MARCHF5: variants seen among roughly 807,000 people sequenced by gnomAD.
The protein encoded by MARCHF5 is E3 ubiquitin-protein ligase MARCHF5.
MARCHF5 carries 5 observed loss-of-function variants against 36.5 expected under a neutral mutation model. The ratio of observed to expected loss-of-function variants is 0.14; its 90% CI spans 0.07 to 0.29. The LOEUF (loss-of-function observed/expected upper bound fraction) is 0.29, where lower values mean the gene tolerates loss of function less well. Ranked by LOEUF, MARCHF5 falls within the 10% of genes least tolerant of loss-of-function variation. The pLI is 1.00. For synonymous variants in MARCHF5, 103 were observed against 109.9 expected (o/e 0.94, Z 0.39); for missense variants, 179 against 336.3 (o/e 0.53, Z 3.66).
At chr10:92,311,040 C>T (rs1843139075) in intron 1 of MARCHF5, 95 bp from the exon 2 acceptor site, 2 of 824,450 alleles carry the variant, frequency 2.4e-6, no homozygotes, top group Non-Finnish European at 3.9e-6. Flanking sequence ...TGTAATATAA[C>T]ATAGCAGGCT....
chr10:92,293,413 T>G (rs571026941), intron 1 of MARCHF5, among the ~76,000 whole-genome samples: 2 of 152,062 alleles, frequency 1.3e-5, no homozygotes, highest in Non-Finnish European at 2.9e-5. Flanking sequence ...CTAGAAAAGT[T>G]CTTATGTCCA....
chr10:92,336,274 T>C (rs1338382182), intron 2 of MARCHF5, among the ~76,000 whole-genome samples: 4 of 152,158 alleles, frequency 2.6e-5, no homozygotes, highest in Admixed American at 2.6e-4. Flanking sequence ...TGACCTCAGG[T>C]GATCCGCCCA....
At chr10:92,349,585 C>A in intron 4 of MARCHF5, 53 bp downstream of exon 4, 1 of 1,595,126 alleles carries the variant, frequency 6.3e-7, no homozygotes, top group Non-Finnish European at 8.6e-7. Context: ...TCTTGAAGAA[C>A]AATAACATGC....
intron 2 of MARCHF5, among the ~76,000 whole-genome samples, chr10:92,313,672 C>T (rs1430138552): frequency 2.6e-5 from 4 of 151,534 alleles, no homozygotes; most frequent in Admixed American, 6.6e-5. Flanking sequence ...GAAGCTGGGG[C>T]GAGTAGATTG....
At chr10:92,304,763 A>G (rs1843053107) in intron 1 of MARCHF5, among the ~76,000 whole-genome samples, 1 of 152,144 alleles carries the variant, frequency 6.6e-6, no homozygotes, top group Non-Finnish European at 1.5e-5. Context: ...AATAAACGTG[A>G]TGGTTTTTCT....
chr10:92,328,918 A>G (rs1385224264), intron 2 of MARCHF5, among the ~76,000 whole-genome samples: 1 of 149,792 alleles, frequency 6.7e-6, no homozygotes, highest in Non-Finnish European at 1.5e-5. Flanking sequence ...TCTTTTTATG[A>G]TAAGACCGAT....
intron 2 of MARCHF5, among the ~76,000 whole-genome samples, chr10:92,317,932 G>A (rs1033723477): frequency 4.0e-5 from 6 of 151,888 alleles, no homozygotes; most frequent in African/African-American, 1.5e-4. Flanking sequence ...TGTAGTTTTA[G>A]TAGAGACAGT....
chr10:92,301,244 A>G (rs574978128), intron 1 of MARCHF5, among the ~76,000 whole-genome samples: 108 of 152,292 alleles, frequency 7.1e-4, no homozygotes, highest in African/African-American at 2.5e-3. Flanking sequence ...TATATGGCCC[A>G]TTGGAGTAAA....
intron 2 of MARCHF5, among the ~76,000 whole-genome samples, chr10:92,324,941 A>G (rs1002445939): frequency 6.6e-6 from 1 of 152,176 alleles, no homozygotes; most frequent in Non-Finnish European, 1.5e-5. Context: ...CACTTGAGAA[A>G]AACATGTATT....
At chr10:92,319,889 T>C (rs1034882959) in intron 2 of MARCHF5, among the ~76,000 whole-genome samples, 1 of 149,522 alleles carries the variant, frequency 6.7e-6, no homozygotes, top group South Asian at 2.1e-4. Context: ...TCTGACCTCA[T>C]GATCTGCCCG....
chr10:92,303,135 A>G (rs954022687), intron 1 of MARCHF5, among the ~76,000 whole-genome samples: 1 of 152,230 alleles, frequency 6.6e-6, no homozygotes, highest in African/African-American at 2.4e-5. Flanking sequence ...TTTTTGATAA[A>G]TAAAGCCCCC....
At position 92,340,815 on chromosome 10, in the gene MARCHF5, T is replaced by C. The variant is rs1843569649; in HGVS notation, c.369+12T>C. On this transcript the variant is annotated intron_variant, in intron 3 of 5. Coordinates refer to ENST00000358935, the MANE Select transcript of MARCHF5 (RefSeq NM_017824.5). Reference sequence around the variant, plus strand: ...TGACAGTGATGCAGGTTCACTATTTTACCTATATAGTGATATTACTTGGTG... The same window carrying C: ...TGACAGTGATGCAGGTTCACTATTTCACCTATATAGTGATATTACTTGGTG... The C allele has an allele frequency of 6.2e-7, 1 of 1,600,928 alleles. No homozygotes were observed. Among genetic ancestry groups the C allele is most frequent in the Admixed American group, 1.7e-5 (1 of 57,698 alleles).
chr10:92,342,251 C>T lies in MARCHF5; in HGVS notation c.369+1448C>T, dbSNP rs116495242. Among the ~76,000 whole-genome samples, 865 of 151,922 alleles carry T rather than the reference C, an allele frequency of 5.7e-3. 14 individuals are homozygous for T. The highest frequency in any genetic ancestry group is 0.02 in the African/African-American group (821 of 41,444). Reference sequence around the variant, plus strand: ...CTGCAGCCTTACTCCTGGGCTCAAACGATCCTCCTGCCTCAACCTCCCAAG... The same window carrying T: ...CTGCAGCCTTACTCCTGGGCTCAAATGATCCTCCTGCCTCAACCTCCCAAG... On this transcript the variant is annotated intron_variant, in intron 3 of 5. Transcript: ENST00000358935.
At chr10:92,337,099 G>A (rs1843511170) in intron 2 of MARCHF5, among the ~76,000 whole-genome samples, 1 of 148,894 alleles carries the variant, frequency 6.7e-6, no homozygotes, top group African/African-American at 2.5e-5. Context: ...TTCCGCCTGG[G>A]TGACAGAGTG....
At chr10:92,330,215 A>C (rs147453688) in intron 2 of MARCHF5, among the ~76,000 whole-genome samples, 2 of 152,308 alleles carry the variant, frequency 1.3e-5, no homozygotes, top group East Asian at 3.9e-4. Flanking sequence ...CTTCAGAATA[A>C]GAGTTCCTTT....
chr10:92,307,175 C>CTGTGTGTGTGTGTG lies in MARCHF5; in HGVS notation c.36-3935_36-3922dup, dbSNP rs376178460. Among the ~76,000 whole-genome samples the CTGTGTGTGTGTGTG allele has an allele frequency of 1.5e-3, 183 of 121,866 alleles. 2 individuals carry two copies. Among genetic ancestry groups the CTGTGTGTGTGTGTG allele is most frequent in the African/African-American group, 5.2e-3 (174 of 33,242 alleles). The allele number at this position is 121,866 out of a possible 152,430, so 79.9% of individuals were successfully genotyped here. Reference sequence around the variant, plus strand: ...CTCATAAAATAAGGAAAGAAAACATCTGTGTGTGTGTGTGTGTGTGTGTGT... The same window carrying CTGTGTGTGTGTGTG: ...CTCATAAAATAAGGAAAGAAAACATCTGTGTGTGTGTGTGTGTGTGTGTGTGTGTGTGTGTGTGT... On this transcript the variant is annotated intron_variant, in intron 1 of 5. Coordinates refer to ENST00000358935, the MANE Select transcript of MARCHF5 (RefSeq NM_017824.5).
intron 3 of MARCHF5, among the ~76,000 whole-genome samples, chr10:92,347,955 G>A (rs972944451): frequency 6.6e-6 from 1 of 152,126 alleles, no homozygotes; most frequent in Middle Eastern, 3.2e-3. Context: ...GGCCGAGGCG[G>A]GTGGATCACC....
At chr10:92,314,939 A>T (rs1441540280) in intron 2 of MARCHF5, among the ~76,000 whole-genome samples, 1 of 152,168 alleles carries the variant, frequency 6.6e-6, no homozygotes, top group African/African-American at 2.4e-5. Flanking sequence ...AATTTTAATT[A>T]TATTCACAAT....
chr10:92,325,765 C>T (rs543154762), intron 2 of MARCHF5, among the ~76,000 whole-genome samples: 7 of 152,256 alleles, frequency 4.6e-5, no homozygotes, highest in African/African-American at 1.7e-4. Context: ...GCAACCTCTG[C>T]CTCCCAGGTT....
Sources: allele counts gnomAD v4.1 joint callset (sites outside exome capture counted in the v4.1 genomes callset), GRCh38; gene constraint gnomAD v4.1.1; transcripts MANE v1.5; gene names NCBI Gene and HGNC (gene_info 2026-07-23, HGNC 2026-07-21).